ZNF385D: variants seen among roughly 807,000 people sequenced by gnomAD.
ZNF385D encodes zinc finger protein 659.
In ZNF385D, 15 loss-of-function variants were observed where a neutral mutation model predicts 35.8. The observed-to-expected ratio is 0.42, with a 90% CI of 0.28 to 0.64. The LOEUF (loss-of-function observed/expected upper bound fraction) is 0.64. Ranked by LOEUF, ZNF385D falls within the 30% of genes least tolerant of loss-of-function variation. The probability of loss-of-function intolerance (pLI) is 0.23; values close to 1 mark genes in which losing one functional copy is unlikely to be tolerated. For missense variants in ZNF385D, 474 were observed against 494.6 expected, an observed-to-expected ratio of 0.96 and a Z score of 0.39; for synonymous variants, 212 against 186.8, an observed-to-expected ratio of 1.13 and a Z score of -1.10.
chr3:22,116,940 C>T (rs1702841961), intron 3 of ZNF385D, among the ~76,000 whole-genome samples: 1 of 152,014 alleles, frequency 6.6e-6, no homozygotes. Flanking sequence ...ATTTGGCCAT[C>T]ATAACCACCC....
chr3:22,022,469 A>G (rs2125457803), intron 3 of ZNF385D, among the ~76,000 whole-genome samples: 1 of 152,134 alleles, frequency 6.6e-6, no homozygotes, highest in East Asian at 1.9e-4. Flanking sequence ...AATGAACAGC[A>G]TCAAGAAATA....
intron 3 of ZNF385D, among the ~76,000 whole-genome samples, chr3:22,037,860 G>A (rs938194842): frequency 6.6e-6 from 1 of 152,052 alleles, no homozygotes. Context: ...AAACAGCATG[G>A]TACTGGTACC....
At chr3:21,944,714 C>G (rs1191261791) in intron 3 of ZNF385D, among the ~76,000 whole-genome samples, 1 of 151,664 alleles carries the variant, frequency 6.6e-6, no homozygotes, top group African/African-American at 2.4e-5. Context: ...CAAGAAAATG[C>G]TCATTAGTGT....
At chr3:21,423,706 T>C (rs1267296728) in intron 7 of ZNF385D, among the ~76,000 whole-genome samples, 1 of 152,182 alleles carries the variant, frequency 6.6e-6, no homozygotes. Context: ...AAAAAAGATA[T>C]ACATGAATTT....
intron 3 of ZNF385D, among the ~76,000 whole-genome samples, chr3:22,056,772 T>G (rs920879658): frequency 2.6e-5 from 4 of 152,220 alleles, no homozygotes; most frequent in Non-Finnish European, 5.9e-5. Context: ...TGAGGGTAGA[T>G]TGGAATCAGT....
At chr3:22,262,492 A>C (rs555276392) in intron 2 of ZNF385D, among the ~76,000 whole-genome samples, 1 of 152,160 alleles carries the variant, frequency 6.6e-6, no homozygotes, top group African/African-American at 2.4e-5. Context: ...AATAGACACA[A>C]GTGCCTTAGG....
At chr3:21,484,568 C>A (rs772949733) in intron 4 of ZNF385D, among the ~76,000 whole-genome samples, 1 of 152,118 alleles carries the variant, frequency 6.6e-6, no homozygotes, top group African/African-American at 2.4e-5. Context: ...GGGTCTAGAT[C>A]CATTGTCACA....
chr3:22,364,994 G>T (rs1056947735), intron 2 of ZNF385D, among the ~76,000 whole-genome samples: 2 of 151,898 alleles, frequency 1.3e-5, no homozygotes, highest in African/African-American at 4.8e-5. Context: ...ATTACAAAAA[G>T]ACAAATACTG....
chr3:22,212,098 T>A (rs1331801948), intron 2 of ZNF385D, among the ~76,000 whole-genome samples: 1 of 152,118 alleles, frequency 6.6e-6, no homozygotes, highest in East Asian at 1.9e-4. Flanking sequence ...GCTTTTTTCT[T>A]CACAAACCTC....
At chr3:22,311,334 C>T (rs920011749) in intron 2 of ZNF385D, among the ~76,000 whole-genome samples, 2 of 151,938 alleles carry the variant, frequency 1.3e-5, no homozygotes, top group Non-Finnish European at 2.9e-5. Context: ...TTCTTTTTCT[C>T]TCCTTGACAT....
At chr3:21,977,318 T>A (rs938875797) in intron 3 of ZNF385D, among the ~76,000 whole-genome samples, 1 of 144,130 alleles carries the variant, frequency 6.9e-6, no homozygotes, top group South Asian at 2.3e-4. Flanking sequence ...ACATACTACA[T>A]TTCAATTAAC....
intron 3 of ZNF385D, among the ~76,000 whole-genome samples, chr3:21,772,275 G>T (rs2071108658): frequency 6.6e-6 from 1 of 151,810 alleles, no homozygotes; most frequent in South Asian, 2.1e-4. Context: ...GATACTATCA[G>T]CAGAGTAGAA....
In ZNF385D at chr3:21,938,808, G is replaced by T. The variant is rs895215711; in HGVS notation, c.325+230009C>A. On this transcript the variant is annotated intron_variant, in intron 3 of 5. Coordinates refer to the ZNF385D transcript ENST00000494108. ...AAAGGCTATTATCCCACAAAGTCAAGATCAAGTTCACTCCTTCTACTCTTT... is the reference window on the plus strand; with the variant it reads ...AAAGGCTATTATCCCACAAAGTCAATATCAAGTTCACTCCTTCTACTCTTT... Among the ~76,000 whole-genome samples, 5 of 152,282 alleles carry T rather than the reference G, an allele frequency of 3.3e-5. No individual in the cohort carries two copies. In the East Asian group the frequency reaches 9.6e-4, roughly 29 times the overall value.
chr3:22,306,477 T>A (rs1455844934), intron 2 of ZNF385D, among the ~76,000 whole-genome samples: 1 of 152,106 alleles, frequency 6.6e-6, no homozygotes, highest in Non-Finnish European at 1.5e-5. Context: ...TGTCCAATAA[T>A]AGTTCTACAA....
chr3:21,540,738 G>C (rs979137246), intron 3 of ZNF385D, among the ~76,000 whole-genome samples: 3 of 152,150 alleles, frequency 2.0e-5, no homozygotes, highest in African/African-American at 7.2e-5. Context: ...GCCCAATAAA[G>C]AGTAACCACA....
intron 1 of ZNF385D, among the ~76,000 whole-genome samples, chr3:21,667,198 G>A (rs1048482105): frequency 5.3e-5 from 8 of 152,302 alleles, no homozygotes; most frequent in Middle Eastern, 3.4e-3. Context: ...TCTCACTCTT[G>A]TTTCCCAGGC....
chr3:22,159,213 A>G (rs1705790063), intron 3 of ZNF385D, among the ~76,000 whole-genome samples: 1 of 152,206 alleles, frequency 6.6e-6, no homozygotes, highest in East Asian at 1.9e-4. Flanking sequence ...AAACTTCCCT[A>G]AACACACTCA....
chr3:21,863,921 G>T (rs1697192622), intron 3 of ZNF385D, among the ~76,000 whole-genome samples: 1 of 152,090 alleles, frequency 6.6e-6, no homozygotes, highest in Non-Finnish European at 1.5e-5. Context: ...CAGGAATCTT[G>T]TTCAAAATGC....
At chr3:22,045,896 T>C (rs571557849) in intron 3 of ZNF385D, among the ~76,000 whole-genome samples, 2 of 152,184 alleles carry the variant, frequency 1.3e-5, no homozygotes, top group African/African-American at 2.4e-5. Flanking sequence ...AGAATTATAA[T>C]GGAGATCTAA....
Sources: gnomAD v4.1 joint callset for allele counts (sites outside exome capture counted in the v4.1 genomes callset) on GRCh38, gnomAD v4.1.1 for gene constraint, MANE v1.5 for transcripts, NCBI Gene and HGNC (gene_info 2026-07-23, HGNC 2026-07-21) for gene names.